COL5A3: variants seen among roughly 807,000 people sequenced by gnomAD.
The protein encoded by COL5A3 is collagen type V alpha 3 chain.
In COL5A3, 172 loss-of-function variants were observed where a neutral mutation model predicts 250.0. The ratio of observed to expected loss-of-function variants is 0.69; its 90% CI spans 0.61 to 0.78. COL5A3 has a LOEUF of 0.78. COL5A3 is among the 30% of genes least tolerant of loss of function. COL5A3 has a pLI of 0.00. For synonymous variants in COL5A3, 937 were observed against 900.4 expected (o/e 1.04, Z -0.73); for missense variants, 2,340 against 2,334.4 (o/e 1.00, Z -0.05).
chr19:9,993,734 C>T lies in COL5A3; in HGVS notation c.1641+19G>A, dbSNP rs2087230509. On this transcript the variant is annotated intron_variant, in intron 17 of 66. Coordinates refer to ENST00000264828, the MANE Select transcript of COL5A3 (RefSeq NM_015719.4). ...CCTGACAGCTCCCACCAAGTCTTATCTCAGCCCCCATCACCTACCTTAGGT... is the reference window on the plus strand; with the variant it reads ...CCTGACAGCTCCCACCAAGTCTTATTTCAGCCCCCATCACCTACCTTAGGT... The T allele has an allele frequency of 6.2e-7, 1 of 1,614,092 alleles. No homozygotes were observed. The highest frequency in any genetic ancestry group is 2.2e-5 in the East Asian group (1 of 44,886).
intron 24 of COL5A3, 88 bp from the exon 25 acceptor site, chr19:9,989,610 A>C: frequency 4.1e-6 from 5 of 1,220,056 alleles, no homozygotes; most frequent in Admixed American, 5.1e-5. Flanking sequence ...CAGCCGCCTC[A>C]AGGTTAAGAA....
chr19:9,973,900 G>GC lies in COL5A3; in HGVS notation c.3558+18dup. 6.3e-7 allele frequency: 1 copy of GC among 1,589,538 alleles called. No homozygotes were observed. Among genetic ancestry groups the GC allele is most frequent in the Non-Finnish European group, 8.6e-7 (1 of 1,164,668 alleles). On this transcript the variant is annotated intron_variant, in intron 48 of 66. Coordinates refer to ENST00000264828, the MANE Select transcript of COL5A3 (RefSeq NM_015719.4). ...TTGTCCCCATCTCTGAGCCTTCCTG[G>GC]CCCCCCAAGAGTTCTCACCTCTGAT...
At position 10,010,264 on chromosome 19, in the gene COL5A3, G is replaced by C. The variant is rs1208514574; in HGVS notation, c.88+34C>G. The C allele has an allele frequency of 2.9e-6, 4 of 1,357,496 alleles. No individual in the cohort carries two copies. The African/African-American group carries it at 6.1e-5, about 21-fold the overall frequency. 84.1% of individuals were successfully genotyped at this position (1,357,496 alleles called of 1,614,324 possible). A position where few individuals can be genotyped will look rare whatever the true frequency, so the allele number is the denominator to read the frequency against. On this transcript the variant is annotated intron_variant, in intron 1 of 66. Coordinates refer to ENST00000264828, the MANE Select transcript of COL5A3 (RefSeq NM_015719.4). ...TCTTTTAGAGCCTCTCTGAGTCGTG[G>C]ACCCTGGGTCCCATCTCTTCCCTCC...
chr19:9,999,537 G>A (rs1012937747), intron 8 of COL5A3, among the ~76,000 whole-genome samples: 1 of 142,004 alleles, frequency 7.0e-6, no homozygotes, highest in Non-Finnish European at 1.5e-5. Context: ...GCGTGGTCTC[G>A]GCTTGCTGCA....
At chr19:9,971,460 C>T (rs571760810) in intron 51 of COL5A3, among the ~76,000 whole-genome samples, 1 of 152,214 alleles carries the variant, frequency 6.6e-6, no homozygotes, top group Non-Finnish European at 1.5e-5. Context: ...CACGCATGGT[C>T]TCACTGCAGC....
chr19:9,998,274 G>A (rs945560577), intron 8 of COL5A3, 125 bp from the exon 9 acceptor site: 13 of 972,030 alleles, frequency 1.3e-5, no homozygotes, highest in Admixed American at 1.0e-4. Flanking sequence ...CACCCTCAGA[G>A]CCCCTTCTCC....
In COL5A3 at chr19:9,973,910, A is replaced by T; in HGVS notation, c.3558+9T>A. ...CTCTGAGCCTTCCTGGCCCCCCAAG[A>T]GTTCTCACCTCTGATCCAGTGGGGC... On this transcript the variant is annotated intron_variant, in intron 48 of 66. Coordinates refer to ENST00000264828, the MANE Select transcript of COL5A3 (RefSeq NM_015719.4). The T allele has an allele frequency of 6.3e-7, 1 of 1,582,862 alleles. No individual in the cohort carries two copies. Among genetic ancestry groups the T allele is most frequent in the Admixed American group, 1.8e-5 (1 of 56,810 alleles).
intron 52 of COL5A3, 23 bp from the exon 53 acceptor site, chr19:9,971,051 TG>T: frequency 6.7e-7 from 1 of 1,500,240 alleles, no homozygotes. Flanking sequence ...AAGACAGAGT[TG>T]GGAGGGGTGA....
Position 9,997,352 on chromosome 19 carries a change from C to A in COL5A3, c.1263+19G>T, listed in dbSNP as rs1472371482. On this transcript the variant is annotated intron_variant, in intron 11 of 66. Coordinates refer to ENST00000264828, the MANE Select transcript of COL5A3 (RefSeq NM_015719.4). Reference sequence around the variant, plus strand: ...CCTCACTCCTCTGAGAAGTGTACACCCCAGTGGGAGTCTCTTACCGGTGGA... The same window carrying A: ...CCTCACTCCTCTGAGAAGTGTACACACCAGTGGGAGTCTCTTACCGGTGGA... 1 of 1,595,700 alleles carries A rather than the reference C, an allele frequency of 6.3e-7. No individual in the cohort carries two copies. The highest frequency in any genetic ancestry group is 8.6e-7 in the Non-Finnish European group (1 of 1,167,358).
intron 44 of COL5A3, 85 bp downstream of exon 44, chr19:9,977,144 C>A (rs2086933030): frequency 2.3e-6 from 3 of 1,321,980 alleles, no homozygotes; most frequent in Admixed American, 3.4e-5. Flanking sequence ...CCTCTCCTAC[C>A]CCATGGAGAA....
chr19:9,979,805 AGG>A, intron 37 of COL5A3, 32 bp downstream of exon 37: 1 of 1,522,052 alleles, frequency 6.6e-7, no homozygotes, highest in African/African-American at 1.4e-5. Flanking sequence ...AAAAAAAAAA[AGG>A]ATCAGGAATC....
chr19:9,990,278 C>T (rs1291419125), intron 24 of COL5A3, among the ~76,000 whole-genome samples: 1 of 150,814 alleles, frequency 6.6e-6, no homozygotes, highest in Non-Finnish European at 1.5e-5. Context: ...CCTGTAATCC[C>T]AGCTACCTGG....
At position 9,996,636 on chromosome 19, in the gene COL5A3, C is replaced by G. The variant is rs370072469; in HGVS notation, c.1317G>C (p.Pro439=). The part of the protein sequence containing the change: ...IPGIDGIRGP[P]GTVIMMPFQF... ...TTACCGGCATCATGATCACAGTGCC[C>G]GGTGGGCCTCGGATCCCATCAATGC... The change falls in exon 12 of 67, where the codon CCG becomes CCC. Residue 439 remains proline, a synonymous_variant. Coordinates refer to ENST00000264828, the MANE Select transcript of COL5A3 (RefSeq NM_015719.4). 2.5e-6 allele frequency: 4 copies of G among 1,613,222 alleles called. No individual in the cohort carries two copies. Among genetic ancestry groups the G allele is most frequent in the Non-Finnish European group, 2.5e-6 (3 of 1,179,808 alleles).
intron 38 of COL5A3, 21 bp downstream of exon 38, chr19:9,979,343 G>A: frequency 6.2e-7 from 1 of 1,613,972 alleles, no homozygotes. Context: ...AACAAGGGAG[G>A]TTTATGGAGT....
chr19:9,978,802 A>T (rs1410706244), intron 40 of COL5A3, 89 bp downstream of exon 40: 1 of 1,046,732 alleles, frequency 9.6e-7, no homozygotes, highest in Non-Finnish European at 1.3e-6. Context: ...CATTTCCCGC[A>T]CCCCAAATGC....
chr19:9,974,497 T>C, intron 45 of COL5A3, 89 bp from the exon 46 acceptor site: 1 of 989,440 alleles, frequency 1.0e-6, no homozygotes, highest in South Asian at 1.8e-5. Flanking sequence ...AGGTTAAGGG[T>C]TGGAGTCAGG....
chr19:9,993,536 ACT>A, intron 18 of COL5A3, 81 bp downstream of exon 18: 1 of 1,578,874 alleles, frequency 6.3e-7, no homozygotes, highest in Non-Finnish European at 8.7e-7. Context: ...AGGGATCATG[ACT>A]CTGATACTGA....
At chr19:9,986,456 T>G (rs1484709831) in intron 29 of COL5A3, 34 bp from the exon 30 acceptor site, 4 of 1,611,162 alleles carry the variant, frequency 2.5e-6, no homozygotes, top group Admixed American at 1.7e-5. Flanking sequence ...AATATCCATC[T>G]TTTGTCCTTC....
At position 9,960,508 on chromosome 19, in the gene COL5A3, G is replaced by A. The variant is rs199939192; in HGVS notation, c.5141C>T (p.Ala1714Val). ...KTLFEFSSSRAGFLPLWDVAA... is the reference protein window; with the variant it reads ...KTLFEFSSSRVGFLPLWDVAA... ...CACATCCCACAGGGGCAGAAATCCCGCTCGAGAAGAGCTGAATTCGAAAAG... is the reference window on the plus strand; with the variant it reads ...CACATCCCACAGGGGCAGAAATCCCACTCGAGAAGAGCTGAATTCGAAAAG... The change falls in exon 67 of 67, where the codon GCG becomes GTG. Residue 1714 changes from alanine (A) to valine (V), a missense_variant. By Grantham distance (64) the Ala-to-Val change is moderately conservative. This residue lies in a region of COL5A3 where 1,179 missense variants were observed against 1,162.6 expected (regional missense o/e 1.01). Transcript: ENST00000264828. The A allele has an allele frequency of 1.1e-4, 183 of 1,614,070 alleles. No individual in the cohort carries two copies. The highest frequency in any genetic ancestry group is 1.4e-4 in the Non-Finnish European group (162 of 1,180,042).
Sources: gnomAD v4.1 joint callset for allele counts (sites outside exome capture counted in the v4.1 genomes callset) on GRCh38, gnomAD v4.1.1 for gene constraint, gnomAD v4.1.1 regional missense constraint, MANE v1.5 for transcripts, NCBI Gene and HGNC (gene_info 2026-07-23, HGNC 2026-07-21) for gene names.